DHRS1: variants seen among roughly 807,000 people sequenced by gnomAD.
The protein encoded by DHRS1 is dehydrogenase/reductase 1, also known as dehydrogenase/reductase SDR family member 1.
A neutral mutation model predicts 35.2 loss-of-function variants in DHRS1; 34 were observed. The ratio of observed to expected loss-of-function variants is 0.97; its 90% CI spans 0.74 to 1.29. The LOEUF is 1.29. Among genes scored for constraint, DHRS1 ranks in the 50% most tolerant of loss-of-function variants. The probability of loss-of-function intolerance (pLI) is 0.00; values close to 1 mark genes in which losing one functional copy is unlikely to be tolerated. For synonymous variants in DHRS1, 133 were observed against 160.0 expected (o/e 0.83, Z 1.27); for missense variants, 354 against 403.6 (o/e 0.88, Z 1.05).
At chr14:24,292,489 C>G in intron 5 of DHRS1, 159 bp from the exon 6 acceptor site, 1 of 1,483,460 alleles carries the variant, frequency 6.7e-7, no homozygotes, top group South Asian at 1.2e-5. Flanking sequence ...CTACTCTAGC[C>G]AACCAAGAGG....
Position 24,290,687 on chromosome 14 carries a change from A to C in DHRS1, c.*172T>G, listed in dbSNP as rs1275143554. On this transcript the variant is annotated 3_prime_UTR_variant, in exon 9 of 9. Transcript: ENST00000288111. ...AAAGAAGGACAAGGAAAACCAAGGC[A>C]CAAAGAAGGGACCTAGGCGCACCCC... The C allele has an allele frequency of 8.7e-6, 6 of 692,412 alleles. No homozygotes were observed. Among genetic ancestry groups the C allele is most frequent in the African/African-American group, 1.8e-5 (1 of 56,132 alleles). 42.9% of individuals were successfully genotyped at this position (692,412 alleles called of 1,614,324 possible). A position where few individuals can be genotyped will look rare whatever the true frequency, so the allele number is the denominator to read the frequency against.
chr14:24,290,767 TA>T lies in DHRS1; in HGVS notation c.*91del. The T allele has an allele frequency of 6.5e-7, 1 of 1,531,218 alleles. No homozygotes were observed. The allele number at this position is 1,531,218 out of a possible 1,614,324, so 94.9% of individuals were successfully genotyped here. A position where few individuals can be genotyped will look rare whatever the true frequency, so the allele number is the denominator to read the frequency against. ...CTTCTCTTCATATCAAGGGTATGGG[TA>T]AACAAGAAAGGCTGCTGTTTCACTG... is the stretch of plus-strand genomic sequence containing the variant. On this transcript the variant is annotated 3_prime_UTR_variant, in exon 9 of 9. Transcript: ENST00000288111.
At chr14:24,291,440 A>C in intron 7 of DHRS1, 116 bp downstream of exon 7, 1 of 1,236,460 alleles carries the variant, frequency 8.1e-7, no homozygotes, top group Non-Finnish European at 1.2e-6. Context: ...CTCAAAAAGC[A>C]GAGAAAAGAA....
chr14:24,294,874 C>G (rs1447205340), intron 4 of DHRS1, among the ~76,000 whole-genome samples: 3 of 152,156 alleles, frequency 2.0e-5, no homozygotes, highest in Non-Finnish European at 4.4e-5. Flanking sequence ...ACAAAGCTTG[C>G]CTGAGTGCAT....
Position 24,292,171 on chromosome 14 carries a change from T to G in DHRS1, c.654+13A>C, listed in dbSNP as rs915027462. On this transcript the variant is annotated intron_variant, in intron 6 of 8. Coordinates refer to ENST00000288111, the MANE Select transcript of DHRS1 (RefSeq NM_001136050.3). ...CCCCTGTTCTCTGCTTCCTTCGCCCTCCCCTTGCCAACCTGCTTCAACACA... is the reference window on the plus strand; with the variant it reads ...CCCCTGTTCTCTGCTTCCTTCGCCCGCCCCTTGCCAACCTGCTTCAACACA... 3 of 1,613,852 alleles carry G rather than the reference T, an allele frequency of 1.9e-6. No homozygotes were observed. The African/African-American group carries it at 4.0e-5, about 22-fold the overall frequency.
At chr14:24,292,530 G>A in intron 5 of DHRS1, 122 bp downstream of exon 5, 1 of 1,557,072 alleles carries the variant, frequency 6.4e-7, no homozygotes, top group Non-Finnish European at 8.8e-7. Context: ...CCATGGATGA[G>A]GCAGAGGAGG....
intron 2 of DHRS1, among the ~76,000 whole-genome samples, chr14:24,297,335 G>C (rs964581901): frequency 2.0e-5 from 3 of 152,096 alleles, no homozygotes; most frequent in South Asian, 4.1e-4. Context: ...CAATGCTCCT[G>C]GTTGGTAATT....
intron 4 of DHRS1, chr14:24,293,341 A>AG (rs1235578038): frequency 2.0e-5 from 3 of 152,888 alleles, no homozygotes; most frequent in Non-Finnish European, 4.4e-5. Flanking sequence ...TTGGGAGGCG[A>AG]GGGGGGCAGA....
rs145558204 is a variant in DHRS1 at position 24,290,992 on chromosome 14, C to T, written c.809G>A (p.Arg270His). Residue 270 changes from arginine (R) to histidine (H), a missense_variant, in exon 9 of 9, where the codon CGC (arginine) becomes CAC (histidine). Physicochemically the swap from Arg to His is conservative, Grantham distance 29. Transcript: ENST00000288111. ...RRYGLRDVDG[R>H]PVQDYLSLSS... ...CAAAGACAAATAGTCTTGGACGGGG[C>T]GGCCTGGGAACAACAGGAGGAGGAG... 5.1e-5 allele frequency: 82 copies of T among 1,614,044 alleles called. No homozygotes were observed. The Middle Eastern group carries it at 8.3e-4, about 16-fold the overall frequency.
At chr14:24,298,055 T>A (rs560746370) in intron 2 of DHRS1, among the ~76,000 whole-genome samples, 201 of 147,320 alleles carry the variant, frequency 1.4e-3, no homozygotes, top group African/African-American at 4.6e-3. Context: ...TTAATTAAAA[T>A]TTTTTTTTTT....
intron 5 of DHRS1, 89 bp from the exon 6 acceptor site, chr14:24,292,419 C>A: frequency 6.4e-7 from 1 of 1,562,512 alleles, no homozygotes; most frequent in Non-Finnish European, 8.7e-7. Flanking sequence ...AATGCTCCAC[C>A]CACCCTGTCC....
At chr14:24,298,882 T>C (rs2041311717) in intron 2 of DHRS1, 75 bp downstream of exon 2, 2 of 1,464,306 alleles carry the variant, frequency 1.4e-6, no homozygotes, top group Admixed American at 2.1e-5. Flanking sequence ...AGGTAAGGGA[T>C]TAGGAAAGGA....
intron 2 of DHRS1, among the ~76,000 whole-genome samples, chr14:24,298,146 A>G (rs529778119): frequency 4.7e-4 from 72 of 152,288 alleles, no homozygotes; most frequent in African/African-American, 1.6e-3. Context: ...CCTGGGCTCA[A>G]ACGATCCTCC....
chr14:24,291,765 C>T, intron 6 of DHRS1, 140 bp from the exon 7 acceptor site: 1 of 857,002 alleles, frequency 1.2e-6, no homozygotes, highest in Non-Finnish European at 1.9e-6. Context: ...CTGTAGGACC[C>T]AAAGTATTGG....
In DHRS1 at chr14:24,290,851, C is replaced by A; in HGVS notation, c.*8G>T. 5.0e-6 allele frequency: 8 copies of A among 1,613,508 alleles called. No homozygotes were observed. Among genetic ancestry groups the A allele is most frequent in the Non-Finnish European group, 6.8e-6 (8 of 1,179,884 alleles). ...GACAAGCAGAGACGTAGTGTCAGAC[C>A]AGGAGGGTTAGAACTTGCTAGTGTA... On this transcript the variant is annotated 3_prime_UTR_variant, in exon 9 of 9. Coordinates refer to ENST00000288111, the MANE Select transcript of DHRS1 (RefSeq NM_001136050.3).
Position 24,299,009 on chromosome 14 carries a change from G to A in DHRS1, c.98C>T (p.Thr33Ile). ...IALQLCKAGA[T>I]VYITGRHLDT... is the part of the protein sequence containing the mutation. ...CAGATGGCGGCCAGTGATGTAAACT[G>A]TGGCGCCTGCTTTGCAGAGCTGCAA... is the stretch of plus-strand genomic sequence containing the variant. Residue 33 changes from threonine to isoleucine, a missense_variant, in exon 2 of 9, where the codon ACA becomes ATA. Physicochemically the swap from Thr to Ile is moderately conservative, Grantham distance 89 (BLOSUM62 -1). Coordinates refer to ENST00000288111, the MANE Select transcript of DHRS1 (RefSeq NM_001136050.3). The A allele has an allele frequency of 6.2e-7, 1 of 1,613,998 alleles. No homozygotes were observed. The highest frequency in any genetic ancestry group is 8.5e-7 in the Non-Finnish European group (1 of 1,179,870).
intron 2 of DHRS1, 90 bp downstream of exon 2, chr14:24,298,867 G>T: frequency 7.2e-7 from 1 of 1,388,952 alleles, no homozygotes; most frequent in Non-Finnish European, 9.8e-7. Flanking sequence ...TAGTATTATA[G>T]TTTCAGGTAA....
In DHRS1 at chr14:24,299,061, A is replaced by C; in HGVS notation, c.46T>G (p.Ser16Ala). The change falls in exon 2 of 9, where the codon TCC becomes GCC. Residue 16 changes from serine (S) to alanine (A), a missense_variant. Ser to Ala is a moderately conservative substitution (Grantham distance 99). Coordinates refer to ENST00000288111, the MANE Select transcript of DHRS1 (RefSeq NM_001136050.3). ...GCAATGCCACGGCCAATACCCCTGG[A>C]GGCACCAGTCACCACACACACTTGG... ...NGQVCVVTGA[S>A]RGIGRGIALQ... 6.2e-7 allele frequency: 1 copy of C among 1,614,106 alleles called. No homozygotes were observed. Among genetic ancestry groups the C allele is most frequent in the Non-Finnish European group, 8.5e-7 (1 of 1,179,970 alleles).
chr14:24,292,997 T>G, intron 4 of DHRS1: 1 of 539,930 alleles, frequency 1.9e-6, no homozygotes. Flanking sequence ...AACAGCAATC[T>G]TTGGAAGAAG....
Sources: allele counts gnomAD v4.1 joint callset (sites outside exome capture counted in the v4.1 genomes callset), GRCh38; gene constraint gnomAD v4.1.1; transcripts MANE v1.5; gene names NCBI Gene and HGNC (gene_info 2026-07-23, HGNC 2026-07-21).